Variants in VPS13D observed in about 807,000 individuals in gnomAD.
VPS13D encodes the protein vacuolar protein sorting 13 homolog D.
A neutral mutation model predicts 461.9 loss-of-function variants in VPS13D; 187 were observed. That is an observed-to-expected ratio of 0.40 (90% CI 0.36 to 0.46). The LOEUF is 0.46. VPS13D is among the 20% of genes least tolerant of loss of function. VPS13D has a pLI of 0.60. For missense variants in VPS13D, 4,711 were observed against 5,364.9 expected, an observed-to-expected ratio of 0.88 and a Z score of 3.81; for synonymous variants, 1,951 against 1,986.3, an observed-to-expected ratio of 0.98 and a Z score of 0.47.
chr1:12,343,111 TA>T lies in VPS13D; in HGVS notation c.8885+61del. 3 of 1,437,088 alleles carry T rather than the reference TA, an allele frequency of 2.1e-6. No homozygotes were observed. In the South Asian group the frequency reaches 4.5e-5, roughly 22 times the overall value. 89.0% of individuals were successfully genotyped at this position (1,437,088 alleles called of 1,614,324 possible). Reference sequence around the variant, plus strand: ...GAAAGTGGATGTAAGTGAGGGTCCCTAGTGTTTTGTCTTTTTACTTTCCTTA... The same window carrying T: ...GAAAGTGGATGTAAGTGAGGGTCCCTGTGTTTTGTCTTTTTACTTTCCTTA... On this transcript the variant is annotated intron_variant, in intron 42 of 69. Transcript: ENST00000620676.
intron 65 of VPS13D, among the ~76,000 whole-genome samples, chr1:12,455,165 G>C (rs927732838): frequency 6.6e-6 from 1 of 152,208 alleles, no homozygotes; most frequent in African/African-American, 2.4e-5. Flanking sequence ...GACCTAACCT[G>C]TTAATCTTTC....
intron 65 of VPS13D, among the ~76,000 whole-genome samples, chr1:12,418,979 A>G (rs920161059): frequency 6.6e-6 from 1 of 152,168 alleles, no homozygotes; most frequent in East Asian, 1.9e-4. Context: ...ATCCTAGTGA[A>G]AGGATTGGCC....
chr1:12,295,630 T>C (rs1396650787), intron 24 of VPS13D, among the ~76,000 whole-genome samples: 1 of 152,266 alleles, frequency 6.6e-6, no homozygotes, highest in African/African-American at 2.4e-5. Flanking sequence ...TCATGGAATA[T>C]ATAACCTTTT....
chr1:12,463,312 T>TTGGATCAG (rs1383726113), intron 67 of VPS13D, among the ~76,000 whole-genome samples: 1 of 152,206 alleles, frequency 6.6e-6, no homozygotes, highest in Non-Finnish European at 1.5e-5. Context: ...GGGTATATGT[T>TTGGATCAG]TGGATCAGTG....
At chr1:12,297,778 C>T (rs1451555613) in intron 24 of VPS13D, among the ~76,000 whole-genome samples, 1 of 151,982 alleles carries the variant, frequency 6.6e-6, no homozygotes. Flanking sequence ...AAGGTCATTG[C>T]CTTCATGGAG....
intron 26 of VPS13D, among the ~76,000 whole-genome samples, chr1:12,306,216 C>G (rs929051883): frequency 6.6e-6 from 1 of 152,152 alleles, no homozygotes; most frequent in Non-Finnish European, 1.5e-5. Context: ...GATCTCCTGA[C>G]CTCGTGATCC....
chr1:12,236,258 A>G (rs890880379), intron 2 of VPS13D, among the ~76,000 whole-genome samples: 1 of 152,120 alleles, frequency 6.6e-6, no homozygotes, highest in Non-Finnish European at 1.5e-5. Context: ...TGGCCAGAAC[A>G]ATCTTGGGGG....
At chr1:12,354,528 T>C (rs1370822188) in intron 47 of VPS13D, among the ~76,000 whole-genome samples, 2 of 152,124 alleles carry the variant, frequency 1.3e-5, no homozygotes, top group South Asian at 2.1e-4. Flanking sequence ...AGTAAGACCC[T>C]GTCTCTTAAA....
chr1:12,474,195 T>C (rs187140541), intron 67 of VPS13D, among the ~76,000 whole-genome samples: 2 of 152,054 alleles, frequency 1.3e-5, no homozygotes, highest in South Asian at 2.1e-4. Context: ...GAAATTAGGA[T>C]GGGGCATGCG....
intron 27 of VPS13D, among the ~76,000 whole-genome samples, chr1:12,310,265 T>G (rs1211593246): frequency 6.6e-6 from 1 of 152,220 alleles, no homozygotes; most frequent in African/African-American, 2.4e-5. Flanking sequence ...TGGCACTTGG[T>G]CAGCCGTCTC....
intron 27 of VPS13D, among the ~76,000 whole-genome samples, chr1:12,308,947 T>C (rs1185019245): frequency 6.6e-6 from 1 of 152,130 alleles, no homozygotes; most frequent in Admixed American, 6.6e-5. Flanking sequence ...GCCCAGCCAA[T>C]GTTTTATATC....
chr1:12,322,504 A>G, intron 33 of VPS13D, 32 bp from the exon 34 acceptor site: 1 of 1,606,904 alleles, frequency 6.2e-7, no homozygotes, highest in Non-Finnish European at 8.5e-7. Flanking sequence ...ATGCAGCTTT[A>G]AAAAATTGCT....
rs76385525 is a variant in VPS13D, at chr1:12,474,491, TA to T, written c.12662+14107del. On this transcript the variant is annotated intron_variant, in intron 67 of 69. Coordinates refer to ENST00000620676, the MANE Select transcript of VPS13D (RefSeq NM_015378.4). ...GTAGGTCGGGGTCCCCTAGGTCTGT[TA>T]AAAAAAAAAAAGTTCAGGGCTAAGC... Among the ~76,000 whole-genome samples the T allele has an allele frequency of 6.1e-3, 883 of 145,138 alleles. 6 individuals carry two copies. The highest frequency in any genetic ancestry group is 0.018 in the African/African-American group (729 of 39,782).
intron 29 of VPS13D, among the ~76,000 whole-genome samples, chr1:12,313,792 A>T (rs1330871642): frequency 2.6e-5 from 4 of 152,180 alleles, no homozygotes; most frequent in African/African-American, 9.6e-5. Flanking sequence ...GGGGATATAC[A>T]GCCTTCTTAG....
At chr1:12,352,940 G>A (rs1465449437) in intron 46 of VPS13D, among the ~76,000 whole-genome samples, 2 of 94,354 alleles carry the variant, frequency 2.1e-5, no homozygotes, top group African/African-American at 8.4e-5. Context: ...ACTCCAGCCT[G>A]GGCAATAAGA....
At chr1:12,386,120 A>G in intron 59 of VPS13D, 65 bp from the exon 60 acceptor site, 2 of 1,487,372 alleles carry the variant, frequency 1.3e-6, no homozygotes, top group Non-Finnish European at 1.8e-6. Flanking sequence ...ATTTTCTTAT[A>G]CTCTCCTGGA....
At chr1:12,374,650 C>T (rs568786380) in intron 55 of VPS13D, among the ~76,000 whole-genome samples, 25 of 152,262 alleles carry the variant, frequency 1.6e-4, no homozygotes, top group Non-Finnish European at 1.5e-5. Context: ...TATATGTATG[C>T]ATATGTATAT....
chr1:12,444,306 T>C (rs1645166828), intron 65 of VPS13D, among the ~76,000 whole-genome samples: 1 of 152,242 alleles, frequency 6.6e-6, no homozygotes, highest in South Asian at 2.1e-4. Flanking sequence ...TTTTTTTCTT[T>C]GACAACTTCA....
At chr1:12,382,033 CTCTTTCTT>C (rs577199939) in intron 57 of VPS13D, among the ~76,000 whole-genome samples, 1 of 142,216 alleles carries the variant, frequency 7.0e-6, no homozygotes, top group Admixed American at 7.3e-5. Flanking sequence ...TCCTTTCTTT[CTCTTTCTT>C]TCTTTCTTTC....
Sources: allele counts gnomAD v4.1 joint callset (sites outside exome capture counted in the v4.1 genomes callset), GRCh38; gene constraint gnomAD v4.1.1; transcripts MANE v1.5; gene names NCBI Gene and HGNC (gene_info 2026-07-23, HGNC 2026-07-21).